Variants in CIART observed in about 807,000 individuals in gnomAD.
CIART encodes the protein circadian-associated transcriptional repressor.
In CIART, 7 loss-of-function variants were observed where a neutral mutation model predicts 22.1. That is an observed-to-expected ratio of 0.32 (90% confidence interval 0.18 to 0.59). The LOEUF is 0.59. CIART is among the 20% of genes least tolerant of loss of function. The pLI, the probability that CIART is intolerant of heterozygous loss-of-function variation, is 0.86. For missense variants in CIART, 440 were observed against 478.0 expected (o/e 0.92, Z 0.74); for synonymous variants, 163 against 174.6 (o/e 0.93, Z 0.53).
At chr1:150,285,822 A>G (rs1653457572) in intron 4 of CIART, among the ~76,000 whole-genome samples, 1 of 152,094 alleles carries the variant, frequency 6.6e-6, no homozygotes, top group South Asian at 2.1e-4. Context: ...CAAAAAATAC[A>G]AAAAGTAGGT....
rs782075361 is a variant in CIART, at chr1:150,286,481, A to T, written c.685A>T (p.Met229Leu). 1 of 1,587,356 alleles carries T rather than the reference A, an allele frequency of 6.3e-7. No homozygotes were observed. Residue 229 changes from methionine (M) to leucine (L), a missense_variant, in exon 5 of 5, where the codon ATG becomes TTG. By Grantham distance (15) the Met-to-Leu change is conservative. Transcript: ENST00000290363. The stretch of plus-strand genomic sequence containing the variant: ...AGCTGCTTCCTCTCCTGCATCTCCT[A>T]TGGAAAAGATGGACCAGACACAGCT... ...DSAASSPASPMEKMDQTQLGH... is the reference protein window; with the variant it reads ...DSAASSPASPLEKMDQTQLGH...
Position 150,284,556 on chromosome 1 carries a change from A to G in CIART, c.522-41A>G, listed in dbSNP as rs1553854253. ...GTCTTCATAAAAAGGAGATTTCTCC[A>G]ATCCTGTTGCTGGTTTTTTAAAGCA... On this transcript the variant is annotated intron_variant, in intron 3 of 4. Coordinates refer to ENST00000290363, the MANE Select transcript of CIART (RefSeq NM_144697.4). The G allele has an allele frequency of 2.5e-6, 4 of 1,596,264 alleles. No individual in the cohort carries two copies. The East Asian group carries it at 6.7e-5, about 27-fold the overall frequency.
chr1:150,286,044 G>A (rs587689071), intron 4 of CIART, among the ~76,000 whole-genome samples: 21 of 152,234 alleles, frequency 1.4e-4, no homozygotes, highest in African/African-American at 4.8e-4. Flanking sequence ...AAGAACTCAA[G>A]ATAGAATATT....
intron 2 of CIART, among the ~76,000 whole-genome samples, chr1:150,284,163 G>A (rs1340680102): frequency 2.0e-5 from 3 of 151,886 alleles, no homozygotes; most frequent in Non-Finnish European, 2.9e-5. Context: ...GATTACAGGC[G>A]CCCACCACCA....
intron 4 of CIART, chr1:150,285,262 G>C (rs1653418683): frequency 6.4e-6 from 1 of 155,866 alleles, no homozygotes; most frequent in Non-Finnish European, 1.4e-5. Context: ...TTTCAGCCGG[G>C]AGCGGTGGCT....
intron 4 of CIART, 37 bp downstream of exon 4, chr1:150,284,745 T>C: frequency 1.3e-6 from 2 of 1,488,740 alleles, no homozygotes; most frequent in Non-Finnish European, 1.9e-6. Context: ...GGTGGGAAAA[T>C]AGCCAAGAAA....
Position 150,286,545 on chromosome 1 carries a change from T to G in CIART, c.749T>G (p.Leu250Arg). 1 of 1,603,364 alleles carries G rather than the reference T, an allele frequency of 6.2e-7. No homozygotes were observed. Among genetic ancestry groups the G allele is most frequent in the South Asian group, 1.1e-5 (1 of 90,832 alleles). The change falls in exon 5 of 5, where the codon CTC becomes CGC. Residue 250 changes from leucine to arginine, a missense_variant. By Grantham distance (102) the Leu-to-Arg change is moderately radical. Transcript: ENST00000290363. ...LALKPKQPWH[L>R]TQWPAMNLTW... The stretch of plus-strand genomic sequence containing the variant: ...TTAAAACCAAAGCAGCCTTGGCACC[T>G]CACACAATGGCCAGCTATGAACCTC...
In CIART at chr1:150,286,433, T is replaced by C. The variant is rs782650074; in HGVS notation, c.637T>C (p.Phe213Leu). The stretch of plus-strand genomic sequence containing the variant: ...TTCTCATTTCTCCCCTCTCTAGCAT[T>C]TTCCAAGCCACCACAGTGATTCAGC... Reference protein sequence around the residue: ...GGGKHQLTKHFPSHHSDSAAS... With the variant: ...GGGKHQLTKHLPSHHSDSAAS... The change falls in exon 5 of 5, where the codon TTT becomes CTT. Residue 213 changes from phenylalanine (F) to leucine (L), a missense_variant. Transcript: ENST00000290363. 6.4e-7 allele frequency: 1 copy of C among 1,573,286 alleles called. No homozygotes were observed.
At chr1:150,285,479 T>G (rs1444695643) in intron 4 of CIART, 1 of 149,864 alleles carries the variant, frequency 6.7e-6, no homozygotes, top group African/African-American at 2.5e-5. Context: ...GAGGTTGCGG[T>G]GAGCCGAGAT....
chr1:150,284,641 A>C lies in CIART; in HGVS notation c.566A>C (p.Lys189Thr), dbSNP rs1653380540. 6.2e-7 allele frequency: 1 copy of C among 1,613,970 alleles called. No homozygotes were observed. The highest frequency in any genetic ancestry group is 1.6e-4 in the Middle Eastern group (1 of 6,082). The change falls in exon 4 of 5, where the codon AAG becomes ACG. Residue 189 changes from lysine to threonine, a missense_variant. Physicochemically the swap from Lys to Thr is moderately conservative, Grantham distance 78. Coordinates refer to ENST00000290363, the MANE Select transcript of CIART (RefSeq NM_144697.4). ...TTGCTACAGGTAGAAGGGATGTTAAAGACTTGGTTTCCACAAATAGCTGCC... is the reference window on the plus strand; with the variant it reads ...TTGCTACAGGTAGAAGGGATGTTAACGACTTGGTTTCCACAAATAGCTGCC... Reference protein sequence around the residue: ...GTLLQVEGMLKTWFPQIAAQK... With the variant: ...GTLLQVEGMLTTWFPQIAAQK...
rs1224519686 is a variant in CIART, at chr1:150,283,309, T to C, written c.42T>C (p.Ser14=). The C allele has an allele frequency of 6.5e-7, 1 of 1,534,752 alleles. No individual in the cohort carries two copies. The highest frequency in any genetic ancestry group is 8.7e-7 in the Non-Finnish European group (1 of 1,143,150). The part of the protein sequence containing the change: ...PSSVSSYSSY[S]LSSSFPTSPV... ...GCGTTTCTTCCTATTCCTCCTACTC[T>C]CTCTCTTCGTCTTTTCCCACCTCCC... Residue 14 remains serine, a synonymous_variant, in exon 1 of 5, where the codon TCT becomes TCC. Transcript: ENST00000290363.
rs1447021518 is a variant in CIART at position 150,282,793 on chromosome 1, T to G, written c.-475T>G. On this transcript the variant is annotated 5_prime_UTR_variant, in exon 1 of 5. Transcript: ENST00000290363. ...ATTGGGAGAGGGCAGGAGGCCAGTC[T>G]CTATGGGGGCGGTTCCCGTAGGATC... 6.5e-6 allele frequency: 1 copy of G among 152,712 alleles called. No individual in the cohort carries two copies. Among genetic ancestry groups the G allele is most frequent in the Admixed American group, 6.5e-5 (1 of 15,280 alleles). The allele number at this position is 152,712 out of a possible 1,614,324, so 9.5% of individuals were successfully genotyped here. A position where few individuals can be genotyped will look rare whatever the true frequency, so the allele number is the denominator to read the frequency against.
At position 150,284,461 on chromosome 1, in the gene CIART, A is replaced by G; in HGVS notation, c.478A>G (p.Arg160Gly). The G allele has an allele frequency of 6.2e-7, 1 of 1,612,964 alleles. No homozygotes were observed. The highest frequency in any genetic ancestry group is 8.5e-7 in the Non-Finnish European group (1 of 1,178,884). ...TTTTCAGCAGAGTGTGGCAATGGACAGGATCCAGCGTATTGTAGGTGTTTT... is the reference window on the plus strand; with the variant it reads ...TTTTCAGCAGAGTGTGGCAATGGACGGGATCCAGCGTATTGTAGGTGTTTT... Reference protein sequence around the residue: ...SSFQQSVAMDRIQRIVGVLQK... With the variant: ...SSFQQSVAMDGIQRIVGVLQK... The change falls in exon 3 of 5, where the codon AGG (arginine) becomes GGG (glycine). Residue 160 changes from arginine to glycine, a missense_variant. Physicochemically the swap from Arg to Gly is moderately radical, Grantham distance 125 (BLOSUM62 -2). Transcript: ENST00000290363.
At position 150,282,978 on chromosome 1, in the gene CIART, A is replaced by C; in HGVS notation, c.-290A>C. The stretch of plus-strand genomic sequence containing the variant: ...TATTTACTCTGAACTGAGGGAAGAA[A>C]AGAACGGAGGCCGCGTCAGACCGAG... On this transcript the variant is annotated 5_prime_UTR_variant, in exon 1 of 5. Coordinates refer to ENST00000290363, the MANE Select transcript of CIART (RefSeq NM_144697.4). The C allele has an allele frequency of 4.9e-6, 1 of 203,360 alleles. No individual in the cohort carries two copies. The highest frequency in any genetic ancestry group is 1.2e-4 in the East Asian group (1 of 8,370). The allele number at this position is 203,360 out of a possible 1,614,324, so 12.6% of individuals were successfully genotyped here.
intron 2 of CIART, among the ~76,000 whole-genome samples, 197 bp from the exon 3 acceptor site, chr1:150,284,229 G>C (rs1653350963): frequency 3.9e-5 from 6 of 151,944 alleles, no homozygotes; most frequent in Admixed American, 3.9e-4. Context: ...ATGTTGGCCA[G>C]GCTGGTCTCA....
In CIART at chr1:150,283,889, ATTG is replaced by A. The variant is rs781808349; in HGVS notation, c.442+13_442+15del. The A allele has an allele frequency of 1.8e-5, 28 of 1,545,048 alleles. No individual in the cohort carries two copies. Among genetic ancestry groups the A allele is most frequent in the Non-Finnish European group, 2.5e-5 (28 of 1,118,376 alleles). On this transcript the variant is annotated intron_variant, in intron 2 of 4. Coordinates refer to ENST00000290363, the MANE Select transcript of CIART (RefSeq NM_144697.4). Reference sequence around the variant, plus strand: ...GGGTCGTTTTGAGAGAGGTAATCTTATTGTTGCATTCATTTGGGCTAGGTTCAT... The same window carrying A: ...GGGTCGTTTTGAGAGAGGTAATCTTATTGCATTCATTTGGGCTAGGTTCAT...
chr1:150,286,346 G>C (rs1162873514), intron 4 of CIART, 84 bp from the exon 5 acceptor site: 1 of 1,254,900 alleles, frequency 8.0e-7, no homozygotes, highest in Middle Eastern at 2.0e-4. Context: ...AGTTCCCAAG[G>C]AATGCAAAGG....
chr1:150,286,557 C>T lies in CIART; in HGVS notation c.761C>T (p.Pro254Leu). 4 of 1,604,860 alleles carry T rather than the reference C, an allele frequency of 2.5e-6. No individual in the cohort carries two copies. The highest frequency in any genetic ancestry group is 3.3e-4 in the Middle Eastern group (2 of 6,048). ...PKQPWHLTQW[P>L]AMNLTWIHTT... The stretch of plus-strand genomic sequence containing the variant: ...CAGCCTTGGCACCTCACACAATGGC[C>T]AGCTATGAACCTCACCTGGATCCAC... The change falls in exon 5 of 5, where the codon CCA becomes CTA. Residue 254 changes from proline to leucine, a missense_variant. Pro to Leu is a moderately conservative substitution (Grantham distance 98). Transcript: ENST00000290363.
At chr1:150,286,362 G>A in intron 4 of CIART, 68 bp from the exon 5 acceptor site, 1 of 1,389,188 alleles carries the variant, frequency 7.2e-7, no homozygotes, top group Non-Finnish European at 1.0e-6. Flanking sequence ...AAAGGTTTAA[G>A]TAACCAGGTG....
Sources: allele counts gnomAD v4.1 joint callset (sites outside exome capture counted in the v4.1 genomes callset), GRCh38; gene constraint gnomAD v4.1.1; transcripts MANE v1.5; gene names NCBI Gene and HGNC (gene_info 2026-07-23, HGNC 2026-07-21).